SLC5A8: variants seen among roughly 807,000 people sequenced by gnomAD.
SLC5A8 encodes solute carrier family 5 member 8.
In SLC5A8, 55 loss-of-function variants were observed where a neutral mutation model predicts 71.9. The observed-to-expected ratio is 0.77, with a 90% CI of 0.62 to 0.96. The LOEUF is 0.96. SLC5A8 is among the 40% of genes least tolerant of loss of function. The pLI is 0.00. For synonymous variants in SLC5A8, 307 were observed against 276.1 expected (o/e 1.11, Z -1.11); for missense variants, 701 against 745.3 (o/e 0.94, Z 0.69).
At chr12:101,202,603 T>G (rs2137169283) in intron 2 of SLC5A8, among the ~76,000 whole-genome samples, 1 of 152,138 alleles carries the variant, frequency 6.6e-6, no homozygotes, top group East Asian at 1.9e-4. Flanking sequence ...GTCTTCAAAC[T>G]GTTAATCCCT....
intron 3 of SLC5A8, among the ~76,000 whole-genome samples, chr12:101,199,868 A>G (rs140096084): frequency 3.3e-5 from 5 of 151,796 alleles, no homozygotes; most frequent in African/African-American, 9.7e-5. Flanking sequence ...GTGAAAAAGA[A>G]AAACAAAATG....
chr12:101,190,518 T>C lies in SLC5A8; in HGVS notation c.783A>G (p.Gln261=), dbSNP rs1393358282. The change falls in exon 6 of 15, where the codon CAA becomes CAG. Residue 261 remains glutamine, a synonymous_variant. Transcript: ENST00000536262. Reference sequence around the variant, plus strand: ...AAGAAATATATCTCTGCACCTGGGATTGGTTGACACCGTAGATGCTGGTCC... The same window carrying C: ...AAGAAATATATCTCTGCACCTGGGACTGGTTGACACCGTAGATGCTGGTCC... The part of the protein sequence containing the change: ...FTWTSIYGVN[Q]SQVQRYISCK... 1.9e-6 allele frequency: 3 copies of C among 1,613,302 alleles called. No homozygotes were observed. In the African/African-American group the frequency reaches 4.0e-5, roughly 22 times the overall value.
chr12:101,186,080 A>ATTT (rs35334880), intron 7 of SLC5A8, among the ~76,000 whole-genome samples: 55 of 134,804 alleles, frequency 4.1e-4, no homozygotes, highest in African/African-American at 1.4e-3. Flanking sequence ...AGCCGTAGGG[A>ATTT]TTTTTTTTTT....
intron 13 of SLC5A8, among the ~76,000 whole-genome samples, chr12:101,161,127 T>C (rs2137121091): frequency 6.6e-6 from 1 of 152,280 alleles, no homozygotes; most frequent in Admixed American, 6.5e-5. Context: ...AAAAGAAAAG[T>C]TCTTTTCAAC....
intron 2 of SLC5A8, among the ~76,000 whole-genome samples, chr12:101,203,952 T>A (rs112322741): frequency 3.9e-5 from 6 of 152,040 alleles, no homozygotes; most frequent in African/African-American, 1.2e-4. Flanking sequence ...CTCCAGAGTT[T>A]TGATTCTGTT....
chr12:101,166,440 C>T, intron 12 of SLC5A8, 54 bp downstream of exon 12: 1 of 1,489,318 alleles, frequency 6.7e-7, no homozygotes, highest in Non-Finnish European at 9.1e-7. Context: ...GTGGGGTTCT[C>T]TACTTGTTGC....
intron 3 of SLC5A8, among the ~76,000 whole-genome samples, chr12:101,196,034 T>C: frequency 6.6e-6 from 1 of 152,150 alleles, no homozygotes; most frequent in Non-Finnish European, 1.5e-5. Context: ...CAGATGTACA[T>C]GTGGAGGTTT....
Position 101,210,203 on chromosome 12 carries a change from A to T in SLC5A8, c.-355T>A. 4.5e-6 allele frequency: 1 copy of T among 223,506 alleles called. No homozygotes were observed. The highest frequency in any genetic ancestry group is 8.5e-6 in the Non-Finnish European group (1 of 117,342). The allele number at this position is 223,506 out of a possible 1,614,324, so 13.8% of individuals were successfully genotyped here. On this transcript the variant is annotated 5_prime_UTR_variant, in exon 1 of 15. Coordinates refer to ENST00000536262, the MANE Select transcript of SLC5A8 (RefSeq NM_145913.5). ...CTGGAGCCTCCAGCTGCTTCCAGCG[A>T]ATCTACACAGGGAGCGCTCTGGGCA...
chr12:101,194,642 T>A (rs181877726), intron 4 of SLC5A8, among the ~76,000 whole-genome samples: 98 of 146,920 alleles, frequency 6.7e-4, no homozygotes, highest in African/African-American at 2.1e-3. Context: ...TTTTAAAAAA[T>A]TTTTTTTGTT....
chr12:101,199,657 G>T (rs547992814), intron 3 of SLC5A8, among the ~76,000 whole-genome samples: 1 of 151,826 alleles, frequency 6.6e-6, no homozygotes, highest in South Asian at 2.1e-4. Context: ...AATATCAAAT[G>T]CTGGCAAGGA....
chr12:101,168,452 C>T (rs2051794695), intron 10 of SLC5A8, among the ~76,000 whole-genome samples: 1 of 152,144 alleles, frequency 6.6e-6, no homozygotes, highest in South Asian at 2.1e-4. Flanking sequence ...AATGGTAGTG[C>T]CTATGTGAAT....
At chr12:101,194,524 G>A (rs1272703373) in intron 4 of SLC5A8, among the ~76,000 whole-genome samples, 1 of 152,206 alleles carries the variant, frequency 6.6e-6, no homozygotes, top group Non-Finnish European at 1.5e-5. Flanking sequence ...GGAGTGCGGT[G>A]GTGCAATCAC....
chr12:101,205,804 T>G (rs1392653426), intron 1 of SLC5A8, among the ~76,000 whole-genome samples: 1 of 152,228 alleles, frequency 6.6e-6, no homozygotes. Flanking sequence ...AAACCTTTGA[T>G]GCCAAAATCT....
chr12:101,184,759 G>C lies in SLC5A8; in HGVS notation c.964-537C>G, dbSNP rs545340269. On this transcript the variant is annotated intron_variant, in intron 7 of 14. Transcript: ENST00000536262. Reference sequence around the variant, plus strand: ...GAAGATGTAATTTTAGGTGCATCAGGTACGAGACATAATGATGGGTGGAGA... The same window carrying C: ...GAAGATGTAATTTTAGGTGCATCAGCTACGAGACATAATGATGGGTGGAGA... Among the ~76,000 whole-genome samples the C allele has an allele frequency of 2.2e-4, 34 of 152,242 alleles. No individual in the cohort carries two copies. The South Asian group carries it at 7.1e-3, about 32-fold the overall frequency.
chr12:101,171,579 G>A (rs1026941228), intron 10 of SLC5A8, among the ~76,000 whole-genome samples: 3 of 152,158 alleles, frequency 2.0e-5, no homozygotes, highest in Non-Finnish European at 4.4e-5. Flanking sequence ...GGATACAGTA[G>A]ATCTAGTGTC....
In SLC5A8 at chr12:101,157,355, C is replaced by A; in HGVS notation, c.1757G>T (p.Gly586Val). 1.2e-6 allele frequency: 2 copies of A among 1,612,062 alleles called. No homozygotes were observed. The highest frequency in any genetic ancestry group is 1.7e-4 in the Middle Eastern group (1 of 6,050). ...SYKSHPVEDGGTDNPAFNHIE... is the reference protein window; with the variant it reads ...SYKSHPVEDGVTDNPAFNHIE... ...GTGGTTGAAAGCAGGATTATCAGTT[C>A]CACCATCTTCCACTGGATGTGATTT... Residue 586 changes from glycine (G) to valine (V), a missense_variant, in exon 15 of 15, where the codon GGA (glycine) becomes GTA (valine). By Grantham distance (109) the Gly-to-Val change is moderately radical (BLOSUM62 -3). Transcript: ENST00000536262.
intron 10 of SLC5A8, among the ~76,000 whole-genome samples, chr12:101,173,838 G>A (rs1305852869): frequency 6.6e-6 from 1 of 152,160 alleles, no homozygotes; most frequent in East Asian, 1.9e-4. Context: ...AGATCCTTGG[G>A]GGCAAGGAGC....
intron 3 of SLC5A8, among the ~76,000 whole-genome samples, chr12:101,198,820 T>C (rs1035506892): frequency 1.3e-5 from 2 of 151,926 alleles, no homozygotes; most frequent in African/African-American, 4.8e-5. Flanking sequence ...TTCGGTAATA[T>C]ATAAAAAGGA....
intron 13 of SLC5A8, among the ~76,000 whole-genome samples, chr12:101,158,598 C>CTCTATATATATATATATA (rs1411795424): frequency 9.4e-5 from 2 of 21,250 alleles, no homozygotes; most frequent in Non-Finnish European, 1.8e-4. Context: ...CTCTCTCTCT[C>CTCTATATATATATATATA]TATATATATA....
Sources: gnomAD v4.1 joint callset for allele counts (sites outside exome capture counted in the v4.1 genomes callset) on GRCh38, gnomAD v4.1.1 for gene constraint, MANE v1.5 for transcripts, NCBI Gene and HGNC (gene_info 2026-07-23, HGNC 2026-07-21) for gene names.